GRIA4: variants seen among roughly 807,000 people sequenced by gnomAD.
GRIA4 encodes the protein glutamate ionotropic receptor AMPA type subunit 4.
Under a neutral mutation model 104.0 loss-of-function variants are expected in GRIA4, and 34 were observed. The ratio of observed to expected loss-of-function variants is 0.33; its 90% CI spans 0.25 to 0.44. The LOEUF is 0.44. Among genes scored for constraint, GRIA4 ranks in the 20% least tolerant of loss-of-function variants. The pLI is 1.00. For missense variants in GRIA4, 750 were observed against 1,096.5 expected (o/e 0.68, Z 4.46); for synonymous variants, 386 against 381.9 (o/e 1.01, Z -0.13).
intron 3 of GRIA4, among the ~76,000 whole-genome samples, chr11:105,740,041 A>C (rs957388904): frequency 6.6e-6 from 1 of 152,174 alleles, no homozygotes. Context: ...ACCTCATCAC[A>C]TTCTAGCTAG....
At chr11:105,932,880 T>G (rs1409848832) in intron 13 of GRIA4, among the ~76,000 whole-genome samples, 1 of 152,148 alleles carries the variant, frequency 6.6e-6, no homozygotes, top group Non-Finnish European at 1.5e-5. Context: ...TGATATGGAC[T>G]GTATTTTTGT....
intron 4 of GRIA4, among the ~76,000 whole-genome samples, chr11:105,828,612 G>C (rs903199982): frequency 6.6e-6 from 1 of 151,486 alleles, no homozygotes; most frequent in Admixed American, 6.6e-5. Flanking sequence ...TGCCAGTCAG[G>C]AGACTTTCTA....
At chr11:105,716,087 G>A (rs1223646529) in intron 3 of GRIA4, among the ~76,000 whole-genome samples, 3 of 138,562 alleles carry the variant, frequency 2.2e-5, no homozygotes, top group Non-Finnish European at 4.7e-5. Context: ...TTTTATATTA[G>A]ACATGACTGT....
At chr11:105,794,469 G>GTACA (rs1942371737) in intron 4 of GRIA4, among the ~76,000 whole-genome samples, 1 of 40,776 alleles carries the variant, frequency 2.5e-5, no homozygotes, top group East Asian at 8.4e-4. Context: ...GTGTGTATAT[G>GTACA]TATGTATATA....
chr11:105,827,328 T>TTA (rs1425641172), intron 4 of GRIA4, among the ~76,000 whole-genome samples: 4 of 152,146 alleles, frequency 2.6e-5, no homozygotes, highest in African/African-American at 9.6e-5. Flanking sequence ...TCAGTGACAT[T>TTA]ACTTTAGTGG....
chr11:105,775,134 C>A (rs1380322691), intron 4 of GRIA4, among the ~76,000 whole-genome samples: 1 of 152,066 alleles, frequency 6.6e-6, no homozygotes, highest in Non-Finnish European at 1.5e-5. Context: ...CTAGCATCTT[C>A]AAATCTCTCC....
At chr11:105,784,972 G>C (rs900986967) in intron 4 of GRIA4, among the ~76,000 whole-genome samples, 1 of 152,084 alleles carries the variant, frequency 6.6e-6, no homozygotes, top group Non-Finnish European at 1.5e-5. Flanking sequence ...CAAATACCAG[G>C]GTTTGGGAAA....
intron 3 of GRIA4, among the ~76,000 whole-genome samples, chr11:105,623,195 T>A (rs1950799493): frequency 6.6e-6 from 1 of 151,460 alleles, no homozygotes; most frequent in African/African-American, 2.4e-5. Context: ...GCAGGTACCT[T>A]GATAATGATT....
chr11:105,752,107 G>C (rs1940032550), intron 3 of GRIA4, among the ~76,000 whole-genome samples: 1 of 152,124 alleles, frequency 6.6e-6, no homozygotes, highest in African/African-American at 2.4e-5. Flanking sequence ...TATGTTAAAA[G>C]AGTGATAAAA....
intron 14 of GRIA4, among the ~76,000 whole-genome samples, chr11:105,967,585 G>A (rs960313845): frequency 6.6e-6 from 1 of 151,648 alleles, no homozygotes; most frequent in East Asian, 1.9e-4. Flanking sequence ...TAGAATGAAC[G>A]CTATTTCAAA....
At position 105,645,026 on chromosome 11, in the gene GRIA4, C is replaced by G. The variant is rs192110544; in HGVS notation, c.247+32592C>G. 2.0e-3 allele frequency among the ~76,000 whole-genome samples: 298 copies of G among 152,216 alleles called. 2 individuals are homozygous for G. The highest frequency in any genetic ancestry group is 7.0e-3 in the African/African-American group (289 of 41,552). On this transcript the variant is annotated intron_variant, in intron 3 of 16. Coordinates refer to ENST00000282499, the MANE Select transcript of GRIA4 (RefSeq NM_000829.4). ...AAACTTCCAGCTCTTGACCTCCACC[C>G]CACTCCCAGCCAGACAATTGCAGGT...
intron 14 of GRIA4, among the ~76,000 whole-genome samples, chr11:105,970,381 T>G (rs754931031): frequency 6.6e-6 from 1 of 152,146 alleles, no homozygotes; most frequent in African/African-American, 2.4e-5. Flanking sequence ...GAAACATCAT[T>G]TTGTGAGTCT....
chr11:105,958,337 G>A (rs1948643505), intron 14 of GRIA4, among the ~76,000 whole-genome samples: 2 of 152,058 alleles, frequency 1.3e-5, no homozygotes, highest in African/African-American at 4.8e-5. Flanking sequence ...GTTGAATTTT[G>A]GTCAAAGGCC....
chr11:105,751,925 A>C (rs984230348), intron 3 of GRIA4, among the ~76,000 whole-genome samples: 2 of 152,196 alleles, frequency 1.3e-5, no homozygotes, highest in Non-Finnish European at 2.9e-5. Flanking sequence ...AGACCTAAAC[A>C]CTTCTTAATC....
intron 4 of GRIA4, among the ~76,000 whole-genome samples, chr11:105,800,167 T>A (rs530563945): frequency 1.3e-5 from 2 of 152,042 alleles, no homozygotes; most frequent in African/African-American, 2.4e-5. Flanking sequence ...CTAGAGGCAA[T>A]TGGTCAGAGG....
Position 105,898,810 on chromosome 11 carries a change from G to A in GRIA4, c.885+383G>A, listed in dbSNP as rs655919. ...GGCAAATTAGGAATTTAGCAGAAATGTAAAATATACAAGCTTCTGCAAAAG... is the reference window on the plus strand; with the variant it reads ...GGCAAATTAGGAATTTAGCAGAAATATAAAATATACAAGCTTCTGCAAAAG... On this transcript the variant is annotated intron_variant, in intron 7 of 16. Transcript: ENST00000282499. Among the ~76,000 whole-genome samples the A allele has an allele frequency of 7.3e-4, 111 of 152,140 alleles. 1 individual carries two copies. The highest frequency in any genetic ancestry group is 6.8e-3 in the Middle Eastern group (2 of 294).
intron 4 of GRIA4, among the ~76,000 whole-genome samples, chr11:105,808,213 T>C (rs1442831125): frequency 6.6e-6 from 1 of 151,972 alleles, no homozygotes; most frequent in Non-Finnish European, 1.5e-5. Flanking sequence ...GCTCAATTAA[T>C]TTTGAAGGGC....
At chr11:105,958,961 G>A (rs1948663350) in intron 14 of GRIA4, among the ~76,000 whole-genome samples, 1 of 152,180 alleles carries the variant, frequency 6.6e-6, no homozygotes, top group Admixed American at 6.5e-5. Flanking sequence ...AGCTTGTAGA[G>A]TTTTTGCTGA....
At chr11:105,885,647 G>C (rs753487365) in intron 5 of GRIA4, among the ~76,000 whole-genome samples, 1 of 152,190 alleles carries the variant, frequency 6.6e-6, no homozygotes, top group Non-Finnish European at 1.5e-5. Flanking sequence ...CCAATAAAAG[G>C]GTATAGCTGA....
Sources: gnomAD v4.1 joint callset for allele counts (sites outside exome capture counted in the v4.1 genomes callset) on GRCh38, gnomAD v4.1.1 for gene constraint, MANE v1.5 for transcripts, NCBI Gene and HGNC (gene_info 2026-07-23, HGNC 2026-07-21) for gene names.